CACNG3: variants seen among roughly 807,000 people sequenced by gnomAD.
CACNG3 encodes the protein voltage-dependent calcium channel gamma-3 subunit.
A neutral mutation model predicts 28.5 loss-of-function variants in CACNG3; 3 were observed. The ratio of observed to expected loss-of-function variants is 0.11; its 90% CI spans 0.05 to 0.27. CACNG3 has a LOEUF of 0.27. CACNG3 is among the 10% of genes least tolerant of loss of function. The probability of loss-of-function intolerance (pLI) is 1.00; values close to 1 mark genes in which losing one functional copy is unlikely to be tolerated. For synonymous variants in CACNG3, 174 were observed against 162.2 expected (o/e 1.07, Z -0.55); for missense variants, 236 against 414.4 (o/e 0.57, Z 3.74).
chr16:24,360,085 C>T (rs1038130674), intron 3 of CACNG3, among the ~76,000 whole-genome samples: 1 of 152,108 alleles, frequency 6.6e-6, no homozygotes. Flanking sequence ...AATGGTTACT[C>T]ACCAACTGTT....
In CACNG3 at chr16:24,260,185, C is replaced by G. The variant is rs538802788; in HGVS notation, c.211+3220C>G. Among the ~76,000 whole-genome samples the G allele has an allele frequency of 1.8e-3, 279 of 152,278 alleles. 2 individuals are homozygous for G. Among genetic ancestry groups the G allele is most frequent in the Non-Finnish European group, 3.5e-3 (239 of 68,034 alleles). ...TAGCTGAATTTGGCCCATGGGCTGC[C>G]AGTTTTGAGCCTTGTAAATTACCTA... On this transcript the variant is annotated intron_variant, in intron 1 of 3. Transcript: ENST00000005284.
intron 1 of CACNG3, among the ~76,000 whole-genome samples, chr16:24,298,124 C>T (rs373644088): frequency 6.6e-6 from 1 of 152,104 alleles, no homozygotes; most frequent in Non-Finnish European, 1.5e-5. Context: ...TCTTTATATT[C>T]TCTTATCCCA....
At chr16:24,328,769 A>C (rs1017355929) in intron 1 of CACNG3, among the ~76,000 whole-genome samples, 1 of 152,100 alleles carries the variant, frequency 6.6e-6, no homozygotes, top group East Asian at 1.9e-4. Context: ...GCCATAAGAC[A>C]TGTACTCACC....
chr16:24,333,597 T>C (rs1899661706), intron 1 of CACNG3: 2 of 152,284 alleles, frequency 1.3e-5, no homozygotes, highest in Admixed American at 6.5e-5. Flanking sequence ...GTCCTTGACC[T>C]TAGCTGCACA....
intron 1 of CACNG3, among the ~76,000 whole-genome samples, chr16:24,278,854 C>T (rs970513799): frequency 2.6e-5 from 4 of 152,172 alleles, no homozygotes; most frequent in Admixed American, 2.0e-4. Context: ...CATGGCTTTC[C>T]TTCTTATCTA....
At chr16:24,339,297 T>C (rs912537946) in intron 1 of CACNG3, among the ~76,000 whole-genome samples, 4 of 152,336 alleles carry the variant, frequency 2.6e-5, no homozygotes, top group East Asian at 1.9e-4. Flanking sequence ...CTTTATTGTA[T>C]GGCTTAATAT....
At position 24,317,620 on chromosome 16, in the gene CACNG3, AAGAAAGACAGAC is replaced by A. The variant is rs1379536602; in HGVS notation, c.212-29106_212-29095del. Among the ~76,000 whole-genome samples the A allele has an allele frequency of 5.5e-4, 33 of 60,398 alleles. 4 individuals carry two copies. The highest frequency in any genetic ancestry group is 1.7e-3 in the African/African-American group (23 of 13,640). The allele number at this position is 60,398 out of a possible 152,430, so 39.6% of individuals were successfully genotyped here. A position where few individuals can be genotyped will look rare whatever the true frequency, so the allele number is the denominator to read the frequency against. Reference sequence around the variant, plus strand: ...AAAGAAAGAAAGAAAGAAAGAAAGAAAGAAAGACAGACAGAAAGAAAGAAAAGAAAAGAAAGA... The same window carrying A: ...AAAGAAAGAAAGAAAGAAAGAAAGAAAGAAAGAAAGAAAAGAAAAGAAAGA... On this transcript the variant is annotated intron_variant, in intron 1 of 3. Transcript: ENST00000005284.
At chr16:24,347,961 T>C (rs1394584987) in intron 2 of CACNG3, among the ~76,000 whole-genome samples, 4 of 152,188 alleles carry the variant, frequency 2.6e-5, no homozygotes, top group Admixed American at 6.5e-5. Flanking sequence ...CAGGAGGCAA[T>C]ATGCATTAGC....
At chr16:24,290,379 C>T (rs985763166) in intron 1 of CACNG3, among the ~76,000 whole-genome samples, 2 of 152,158 alleles carry the variant, frequency 1.3e-5, no homozygotes, top group Non-Finnish European at 1.5e-5. Flanking sequence ...ATAAGGTTGA[C>T]CGTAAACTGA....
rs543705201 is a variant in CACNG3, at chr16:24,342,035, C to T, written c.212-4699C>T. 7.2e-4 allele frequency among the ~76,000 whole-genome samples: 110 copies of T among 152,206 alleles called. 1 individual carries two copies. Among genetic ancestry groups the T allele is most frequent in the Middle Eastern group, 6.8e-3 (2 of 294 alleles). On this transcript the variant is annotated intron_variant, in intron 1 of 3. Transcript: ENST00000005284. ...GTCATCCCAGCGCTTTGGGAGGCTG[C>T]AGCAGGCGGATCACCTGAGGTCAGG...
At chr16:24,317,628 C>T (rs12919190) in intron 1 of CACNG3, among the ~76,000 whole-genome samples, 3 of 39,016 alleles carry the variant, frequency 7.7e-5, no homozygotes, top group Non-Finnish European at 1.4e-4. Context: ...GAAAGAAAGA[C>T]AGACAGAAAG....
intron 2 of CACNG3, among the ~76,000 whole-genome samples, chr16:24,353,746 G>A (rs978275419): frequency 6.6e-6 from 1 of 152,218 alleles, no homozygotes; most frequent in East Asian, 1.9e-4. Context: ...GACTAAATGG[G>A]TATTCAATGG....
chr16:24,313,972 T>C (rs1390375259), intron 1 of CACNG3, among the ~76,000 whole-genome samples: 1 of 152,168 alleles, frequency 6.6e-6, no homozygotes, highest in Non-Finnish European at 1.5e-5. Flanking sequence ...CTTGAACTCG[T>C]GGCCTCAAGT....
At chr16:24,317,991 C>T (rs1056031898) in intron 1 of CACNG3, among the ~76,000 whole-genome samples, 1 of 152,176 alleles carries the variant, frequency 6.6e-6, no homozygotes, top group Non-Finnish European at 1.5e-5. Flanking sequence ...GGCATTTGGT[C>T]TCAGCCCAGA....
intron 1 of CACNG3, among the ~76,000 whole-genome samples, chr16:24,270,487 T>C (rs1165630693): frequency 1.3e-5 from 2 of 152,244 alleles, no homozygotes; most frequent in Non-Finnish European, 2.9e-5. Flanking sequence ...GAGGCAATGA[T>C]GTTAATCTGA....
intron 1 of CACNG3, among the ~76,000 whole-genome samples, chr16:24,269,746 C>CAA (rs1163565728): frequency 0.013 from 903 of 70,254 alleles, 9 homozygotes; most frequent in African/African-American, 0.027. Flanking sequence ...GACTCCATCT[C>CAA]AAAAAAAAAA....
chr16:24,338,482 T>C (rs1417616424), intron 1 of CACNG3, among the ~76,000 whole-genome samples: 2 of 152,134 alleles, frequency 1.3e-5, no homozygotes, highest in Non-Finnish European at 2.9e-5. Context: ...TAGCTGGGAT[T>C]ATAGGCACGC....
At chr16:24,347,048 G>T (rs185579704) in intron 2 of CACNG3, among the ~76,000 whole-genome samples, 14 of 152,286 alleles carry the variant, frequency 9.2e-5, no homozygotes, top group Non-Finnish European at 1.0e-4. Context: ...GTGGGGGATG[G>T]TTCATGCCTG....
At chr16:24,341,864 A>G (rs146597575) in intron 1 of CACNG3, among the ~76,000 whole-genome samples, 7 of 152,256 alleles carry the variant, frequency 4.6e-5, no homozygotes, top group African/African-American at 1.2e-4. Flanking sequence ...GATGTCAGCT[A>G]CGTCATCCAG....
Sources: gnomAD v4.1 joint callset for allele counts (sites outside exome capture counted in the v4.1 genomes callset) on GRCh38, gnomAD v4.1.1 for gene constraint, MANE v1.5 for transcripts, NCBI Gene and HGNC (gene_info 2026-07-23, HGNC 2026-07-21) for gene names.